ADGRL2: variants seen among roughly 807,000 people sequenced by gnomAD.
ADGRL2 encodes adhesion G protein-coupled receptor L2.
In ADGRL2, 44 loss-of-function variants were observed where a neutral mutation model predicts 157.4. The ratio of observed to expected loss-of-function variants is 0.28; its 90% CI spans 0.22 to 0.36. ADGRL2 has a LOEUF of 0.36. Among genes scored for constraint, ADGRL2 ranks in the 10% least tolerant of loss-of-function variants. The probability of loss-of-function intolerance (pLI) is 1.00; values close to 1 mark genes in which losing one functional copy is unlikely to be tolerated. For missense variants in ADGRL2, 1,510 were observed against 1,768.9 expected (o/e 0.85, Z 2.63); for synonymous variants, 585 against 624.7 (o/e 0.94, Z 0.95).
intron 2 of ADGRL2, among the ~76,000 whole-genome samples, chr1:81,469,124 A>G (rs925853002): frequency 1.3e-5 from 2 of 152,330 alleles, no homozygotes; most frequent in Admixed American, 6.5e-5. Context: ...GAATCACCTG[A>G]GAATCTTTCA....
intron 2 of ADGRL2, among the ~76,000 whole-genome samples, chr1:81,856,388 G>A (rs1044650211): frequency 6.6e-6 from 1 of 152,078 alleles, no homozygotes; most frequent in African/African-American, 2.4e-5. Context: ...AAACGTATGG[G>A]CTTCTTCTTT....
At position 81,682,287 on chromosome 1, in the gene ADGRL2, A is replaced by G. The variant is rs1191535786; in HGVS notation, c.-142-79524A>G. ...TTCCCTGGCCTTTGAATCTCAGGGAATGGCTGGTAATCGGCTTAAATTTTA... is the reference window on the plus strand; with the variant it reads ...TTCCCTGGCCTTTGAATCTCAGGGAGTGGCTGGTAATCGGCTTAAATTTTA... On this transcript the variant is annotated intron_variant, in intron 3 of 24. Coordinates refer to the ADGRL2 transcript ENST00000370721. Among the ~76,000 whole-genome samples the G allele has an allele frequency of 3.3e-5, 5 of 152,152 alleles. No individual in the cohort carries two copies. In the South Asian group the frequency reaches 8.3e-4, roughly 25 times the overall value.
At chr1:81,773,688 T>A (rs2086465420) in intron 2 of ADGRL2, among the ~76,000 whole-genome samples, 1 of 152,214 alleles carries the variant, frequency 6.6e-6, no homozygotes, top group East Asian at 1.9e-4. Context: ...GGGACTGACA[T>A]TTAGGGGTAG....
At chr1:81,353,291 T>C (rs1663046897) in intron 1 of ADGRL2, among the ~76,000 whole-genome samples, 1 of 152,194 alleles carries the variant, frequency 6.6e-6, no homozygotes, top group Non-Finnish European at 1.5e-5. Flanking sequence ...TGGGTCCTTT[T>C]ATTCCATAAA....
intron 2 of ADGRL2, among the ~76,000 whole-genome samples, chr1:81,511,532 C>G (rs962912164): frequency 1.3e-5 from 2 of 152,136 alleles, no homozygotes; most frequent in African/African-American, 4.8e-5. Flanking sequence ...TTCTCTCAAA[C>G]TATTACTGTT....
chr1:81,424,874 C>T (rs1473278336), intron 1 of ADGRL2, among the ~76,000 whole-genome samples: 1 of 152,176 alleles, frequency 6.6e-6, no homozygotes, highest in Non-Finnish European at 1.5e-5. Context: ...CATTGAAAGC[C>T]TTGGTTTCTT....
intron 1 of ADGRL2, among the ~76,000 whole-genome samples, chr1:81,346,175 A>G (rs1662466772): frequency 6.6e-6 from 1 of 152,122 alleles, no homozygotes; most frequent in Admixed American, 6.6e-5. Context: ...AGGTGGAGAC[A>G]CTCACATGAG....
At chr1:81,901,792 G>T (rs1385421225) in intron 2 of ADGRL2, among the ~76,000 whole-genome samples, 1 of 152,128 alleles carries the variant, frequency 6.6e-6, no homozygotes, top group Non-Finnish European at 1.5e-5. Flanking sequence ...CATTGTTGGT[G>T]GAAGAGGTTG....
chr1:81,710,561 A>G (rs2083891954), intron 1 of ADGRL2, among the ~76,000 whole-genome samples: 1 of 149,952 alleles, frequency 6.7e-6, no homozygotes, highest in Non-Finnish European at 1.5e-5. Flanking sequence ...TGGAGGTTGT[A>G]GTGAGCTGAG....
intron 2 of ADGRL2, among the ~76,000 whole-genome samples, chr1:81,852,291 A>G (rs2093040274): frequency 6.6e-6 from 1 of 152,122 alleles, no homozygotes. Flanking sequence ...AAAAGAATGT[A>G]TTGCTGTTTG....
At chr1:81,713,665 T>C (rs2084012187) in intron 1 of ADGRL2, among the ~76,000 whole-genome samples, 1 of 152,210 alleles carries the variant, frequency 6.6e-6, no homozygotes, top group South Asian at 2.1e-4. Flanking sequence ...ATTTGTGTTA[T>C]CTCAACAAGT....
At chr1:81,503,446 C>A (rs1341606565) in intron 2 of ADGRL2, 1 of 1,612,580 alleles carries the variant, frequency 6.2e-7, no homozygotes, top group Non-Finnish European at 8.5e-7. Context: ...CAGCGCAGAG[C>A]CCTCCACCAG....
At position 81,907,235 on chromosome 1, in the gene ADGRL2, A is replaced by T. The variant is rs1553185890; in HGVS notation, c.287+5A>T. On this transcript the variant is annotated splice_donor_5th_base_variant and intron_variant, in intron 3 of 23. Transcript: ENST00000686636. ...CTTCAAAATTATGACTCAAAGGTAA[A>T]TATTCATGTGTTAATGTCCCATTTG... The T allele has an allele frequency of 1.2e-6, 2 of 1,609,652 alleles. No homozygotes were observed. Among genetic ancestry groups the T allele is most frequent in the Non-Finnish European group, 1.7e-6 (2 of 1,175,912 alleles).
intron 2 of ADGRL2, among the ~76,000 whole-genome samples, chr1:81,559,602 C>A (rs1422401465): frequency 1.3e-5 from 2 of 151,948 alleles, no homozygotes; most frequent in Admixed American, 1.3e-4. Flanking sequence ...TATTATTATT[C>A]AAATACTAAT....
intron 2 of ADGRL2, among the ~76,000 whole-genome samples, chr1:81,775,247 T>G (rs772236161): frequency 5.3e-5 from 8 of 152,190 alleles, no homozygotes; most frequent in Non-Finnish European, 1.0e-4. Flanking sequence ...TTTTCTTACT[T>G]TAAATATAAA....
intron 1 of ADGRL2, among the ~76,000 whole-genome samples, chr1:81,754,022 C>T (rs2085578474): frequency 6.6e-6 from 1 of 151,994 alleles, no homozygotes. Flanking sequence ...GGAGTGGGGT[C>T]CTTCATAGAA....
intron 3 of ADGRL2, among the ~76,000 whole-genome samples, chr1:81,693,950 G>A (rs566257356): frequency 1.3e-5 from 2 of 152,114 alleles, no homozygotes; most frequent in African/African-American, 4.8e-5. Flanking sequence ...AAATACATAG[G>A]TGCAATGGAT....
At chr1:81,761,234 C>T (rs1347536382) in intron 1 of ADGRL2, among the ~76,000 whole-genome samples, 3 of 151,762 alleles carry the variant, frequency 2.0e-5, no homozygotes, top group African/African-American at 7.2e-5. Context: ...AAAATTACTT[C>T]ACTAGAAAAA....
intron 1 of ADGRL2, among the ~76,000 whole-genome samples, chr1:81,411,197 G>A (rs2076939506): frequency 6.6e-6 from 1 of 152,210 alleles, no homozygotes; most frequent in Non-Finnish European, 1.5e-5. Context: ...ATGAAAGTCA[G>A]CAATAACATT....
Sources: gnomAD v4.1 joint callset for allele counts (sites outside exome capture counted in the v4.1 genomes callset) on GRCh38, gnomAD v4.1.1 for gene constraint, MANE v1.5 for transcripts, NCBI Gene and HGNC (gene_info 2026-07-23, HGNC 2026-07-21) for gene names.